ARNT: variants seen among roughly 807,000 people sequenced by gnomAD.
ARNT encodes aryl hydrocarbon receptor nuclear translocator.
In ARNT, 30 loss-of-function variants were observed where a neutral mutation model predicts 105.0. That is an observed-to-expected ratio of 0.29 (90% CI 0.21 to 0.39). The LOEUF (loss-of-function observed/expected upper bound fraction) is 0.39. ARNT is among the 10% of genes least tolerant of loss of function. ARNT has a pLI of 1.00. For missense variants in ARNT, 748 were observed against 978.7 expected (o/e 0.76, Z 3.15); for synonymous variants, 304 against 344.0 (o/e 0.88, Z 1.29).
At chr1:150,846,844 A>C (rs1236772814) in intron 3 of ARNT, among the ~76,000 whole-genome samples, 1 of 152,208 alleles carries the variant, frequency 6.6e-6, no homozygotes, top group Non-Finnish European at 1.5e-5. Flanking sequence ...ACTTGTAGAT[A>C]CCTCATGTAA....
chr1:150,817,813 CA>C (rs35672926), intron 15 of ARNT, 106 bp downstream of exon 15: 59,408 of 674,080 alleles, frequency 0.088, 31 homozygotes, highest in Middle Eastern at 0.11. Context: ...AACTCCTTCT[CA>C]AAAAAAAAAA....
intron 14 of ARNT, among the ~76,000 whole-genome samples, chr1:150,821,708 G>A (rs1657103679): frequency 6.6e-6 from 1 of 151,938 alleles, no homozygotes; most frequent in Non-Finnish European, 1.5e-5. Flanking sequence ...GAGTGCAGTG[G>A]TGCGATCTCA....
Position 150,839,581 on chromosome 1 carries a change from C to T in ARNT, c.346G>A (p.Val116Ile), listed in dbSNP as rs2101951208. The T allele has an allele frequency of 1.9e-6, 3 of 1,614,136 alleles. No homozygotes were observed. The South Asian group carries it at 3.3e-5, about 18-fold the overall frequency. ...TAYITELSDM[V>I]PTCSALARKP... Reference sequence around the variant, plus strand: ...CGAGCCAGGGCACTACAGGTGGGTACCATATCTGACAGTTCTGTGATGTAG... The same window carrying T: ...CGAGCCAGGGCACTACAGGTGGGTATCATATCTGACAGTTCTGTGATGTAG... The change falls in exon 6 of 22, where the codon GTA (valine) becomes ATA (isoleucine). Residue 116 changes from valine to isoleucine, a missense_variant. Coordinates refer to ENST00000358595, the MANE Select transcript of ARNT (RefSeq NM_001668.4).
intron 12 of ARNT, among the ~76,000 whole-genome samples, chr1:150,827,715 T>C (rs944449994): frequency 1.3e-5 from 2 of 152,260 alleles, no homozygotes; most frequent in African/African-American, 4.8e-5. Context: ...GGTTATAGGC[T>C]AAGAGTATGT....
At position 150,817,911 on chromosome 1, in the gene ARNT, CT is replaced by C. The variant is rs34096034; in HGVS notation, c.1505+8del. The C allele has an allele frequency of 1.9e-6, 3 of 1,600,230 alleles. No homozygotes were observed. Among genetic ancestry groups the C allele is most frequent in the Non-Finnish European group, 8.5e-7 (1 of 1,170,070 alleles). On this transcript the variant is annotated splice_region_variant and intron_variant, in intron 15 of 21. Transcript: ENST00000358595. ...CTGCTCAACAGATGATTATTTCACC[CT>C]TTTTTACCTGGGTGCCAGCTGTCCT...
chr1:150,862,180 A>G (rs1385550768), intron 1 of ARNT, among the ~76,000 whole-genome samples: 1 of 152,190 alleles, frequency 6.6e-6, no homozygotes, highest in Non-Finnish European at 1.5e-5. Context: ...TATAGTTATG[A>G]CATTCAAACC....
chr1:150,816,938 A>G (rs587742727), intron 17 of ARNT, 48 bp from the exon 18 acceptor site: 4 of 1,602,782 alleles, frequency 2.5e-6, no homozygotes, highest in South Asian at 2.2e-5. Context: ...GGGCTGTAGT[A>G]TATTAGTTCA....
intron 4 of ARNT, among the ~76,000 whole-genome samples, chr1:150,843,705 A>T (rs965389821): frequency 6.6e-6 from 1 of 152,048 alleles, no homozygotes; most frequent in Non-Finnish European, 1.5e-5. Context: ...AAAGTGCTGG[A>T]ATTACAGGCA....
chr1:150,876,589 C>T lies in ARNT; in HGVS notation c.-22G>A, dbSNP rs763331192. On this transcript the variant is annotated 5_prime_UTR_variant, in exon 1 of 22. Transcript: ENST00000358595. ...CCATGGCCGCAGATGCCACCGCCGC[C>T]GCGCCACCCCCCCCCCCAGTGGGAG... The T allele has an allele frequency of 6.9e-7, 1 of 1,446,196 alleles. No individual in the cohort carries two copies. Among genetic ancestry groups the T allele is most frequent in the Non-Finnish European group, 9.1e-7 (1 of 1,095,680 alleles). 89.6% of individuals were successfully genotyped at this position (1,446,196 alleles called of 1,614,324 possible). A position where few individuals can be genotyped will look rare whatever the true frequency, so the allele number is the denominator to read the frequency against.
rs1311021347 is a variant in ARNT at position 150,839,464 on chromosome 1, T to C, written c.463A>G (p.Lys155Glu). 6.2e-7 allele frequency: 1 copy of C among 1,613,988 alleles called. No homozygotes were observed. The highest frequency in any genetic ancestry group is 8.5e-7 in the Non-Finnish European group (1 of 1,180,014). ...TGNTSTDGSY[K>E]PSFLTDQELK... ...ACCTGATCAGTGAGGAAAGACGGCTTATAGGAGCCATCAGTGGATGTGTTG... is the reference window on the plus strand; with the variant it reads ...ACCTGATCAGTGAGGAAAGACGGCTCATAGGAGCCATCAGTGGATGTGTTG... Residue 155 changes from lysine (K) to glutamate (E), a missense_variant, in exon 6 of 22, where the codon AAG becomes GAG. By Grantham distance (56) the Lys-to-Glu change is moderately conservative (BLOSUM62 1). Coordinates refer to ENST00000358595, the MANE Select transcript of ARNT (RefSeq NM_001668.4).
chr1:150,869,438 C>A (rs1667118136), intron 1 of ARNT, among the ~76,000 whole-genome samples: 1 of 152,062 alleles, frequency 6.6e-6, no homozygotes, highest in Middle Eastern at 3.4e-3. Flanking sequence ...GATCGTGCCA[C>A]TGCACCCCAG....
chr1:150,832,284 C>A (rs770228784), intron 9 of ARNT, 50 bp downstream of exon 9: 4 of 1,584,430 alleles, frequency 2.5e-6, no homozygotes, highest in African/African-American at 1.3e-5. Context: ...ATGTGATGAT[C>A]TCTGCAGGTA....
At chr1:150,868,780 G>T (rs1667001315) in intron 1 of ARNT, among the ~76,000 whole-genome samples, 1 of 152,038 alleles carries the variant, frequency 6.6e-6, no homozygotes, top group South Asian at 2.1e-4. Context: ...CGTGCCTGTA[G>T]TCCCAGCTAC....
intron 9 of ARNT, 137 bp downstream of exon 9, chr1:150,832,197 G>A (rs995228335): frequency 5.7e-6 from 5 of 876,950 alleles, no homozygotes; most frequent in African/African-American, 1.7e-5. Flanking sequence ...GTAAGTGGGA[G>A]GTAAGGGATG....
intron 9 of ARNT, 74 bp from the exon 10 acceptor site, chr1:150,831,977 G>T: frequency 1.0e-6 from 1 of 964,538 alleles, no homozygotes; most frequent in Non-Finnish European, 1.6e-6. Context: ...TGCTGCCTTA[G>T]TACTTTTAAG....
intron 14 of ARNT, among the ~76,000 whole-genome samples, chr1:150,819,210 T>C (rs587719879): frequency 6.9e-6 from 1 of 144,724 alleles, no homozygotes; most frequent in Non-Finnish European, 1.5e-5. Context: ...AATTGATACC[T>C]ACTAGATGGC....
intron 13 of ARNT, among the ~76,000 whole-genome samples, chr1:150,824,544 C>T (rs2101736542): frequency 6.6e-6 from 1 of 150,412 alleles, no homozygotes; most frequent in South Asian, 2.1e-4. Context: ...AACCTCGCCT[C>T]CAGGGTTCAA....
intron 1 of ARNT, among the ~76,000 whole-genome samples, chr1:150,874,253 A>C (rs1667925796): frequency 6.6e-6 from 1 of 152,230 alleles, no homozygotes; most frequent in Non-Finnish European, 1.5e-5. Context: ...AGGCTACTGA[A>C]AAAATCCACA....
chr1:150,850,427 G>A (rs1329886517), intron 3 of ARNT, among the ~76,000 whole-genome samples: 10 of 152,318 alleles, frequency 6.6e-5, no homozygotes, highest in South Asian at 4.1e-4. Flanking sequence ...GATTGCAGTC[G>A]CGCGCCGCCA....
Sources: gnomAD v4.1 joint callset for allele counts (sites outside exome capture counted in the v4.1 genomes callset) on GRCh38, gnomAD v4.1.1 for gene constraint, MANE v1.5 for transcripts, NCBI Gene and HGNC (gene_info 2026-07-23, HGNC 2026-07-21) for gene names.